Variants in DOCK1 observed in about 807,000 individuals in gnomAD.
DOCK1 encodes dedicator of cytokinesis protein 1.
Under a neutral mutation model 262.7 loss-of-function variants are expected in DOCK1, and 138 were observed. The observed-to-expected ratio is 0.53, with a 90% CI of 0.46 to 0.61. DOCK1 has a LOEUF of 0.61. DOCK1 is among the 20% of genes least tolerant of loss of function. The pLI is 0.00. For synonymous variants in DOCK1, 866 were observed against 867.4 expected, an observed-to-expected ratio of 1.00 and a Z score of 0.03; for missense variants, 1,908 against 2,370.7, an observed-to-expected ratio of 0.80 and a Z score of 4.05.
At chr10:126,920,483 CT>C (rs1488970048) in intron 1 of DOCK1, among the ~76,000 whole-genome samples, 3 of 152,188 alleles carry the variant, frequency 2.0e-5, no homozygotes, top group Non-Finnish European at 2.9e-5. Flanking sequence ...TCTTGATCAT[CT>C]GTAAAATGAG....
chr10:127,284,685 G>A lies in DOCK1; in HGVS notation c.3044+27256G>A, dbSNP rs75231785. 6.9e-3 allele frequency among the ~76,000 whole-genome samples: 1,044 copies of A among 152,272 alleles called. 5 individuals are homozygous for A. The highest frequency in any genetic ancestry group is 0.011 in the Non-Finnish European group (772 of 68,024). On this transcript the variant is annotated intron_variant, in intron 29 of 51. Coordinates refer to ENST00000623213, the MANE Select transcript of DOCK1 (RefSeq NM_001290223.2). The stretch of plus-strand genomic sequence containing the variant: ...GAAGATCACTTGAGGGCAGGATTTC[G>A]AAGTTATGGTGAGGTATTATCATGT...
Position 127,343,754 on chromosome 10 carries a change from C to T in DOCK1, c.3224+8C>T. 1 of 1,590,606 alleles carries T rather than the reference C, an allele frequency of 6.3e-7. No individual in the cohort carries two copies. On this transcript the variant is annotated splice_region_variant and intron_variant, in intron 31 of 51. Coordinates refer to ENST00000623213, the MANE Select transcript of DOCK1 (RefSeq NM_001290223.2). ...AGCCAAAATCCTTAACAAGTAAGTTCTCATCTAGCTCTGAAACTGCAGGCA... is the reference window on the plus strand; with the variant it reads ...AGCCAAAATCCTTAACAAGTAAGTTTTCATCTAGCTCTGAAACTGCAGGCA...
Position 127,012,367 on chromosome 10 carries a change from G to C in DOCK1, c.1194G>C (p.Lys398Asn), listed in dbSNP as rs1348327633. 1.2e-6 allele frequency: 2 copies of C among 1,613,950 alleles called. No homozygotes were observed. The highest frequency in any genetic ancestry group is 1.7e-5 in the Admixed American group (1 of 60,024). The change falls in exon 12 of 52, where the codon AAG becomes AAC. Residue 398 changes from lysine (K) to asparagine (N), a missense_variant. Coordinates refer to ENST00000623213, the MANE Select transcript of DOCK1 (RefSeq NM_001290223.2). This position sits in a 1 kb window ranked among gnomAD's most constrained non-coding sequence, Gnocchi z 4.0. The stretch of plus-strand genomic sequence containing the variant: ...TCGCTGCCAAAGAAGTCAACCACAA[G>C]GGGCAGGGTACGTATTTTCCTATTT... ...KVIAAKEVNH[K>N]GQGLWVTLKL...
Position 127,004,776 on chromosome 10 carries a change from CCCCG to C in DOCK1, c.986-3952_986-3949del, listed in dbSNP as rs1565053566. 4.5e-5 allele frequency among the ~76,000 whole-genome samples: 6 copies of C among 132,588 alleles called. 1 individual carries two copies. The highest frequency in any genetic ancestry group is 1.6e-4 in the African/African-American group (6 of 36,800). 87.0% of individuals were successfully genotyped at this position (132,588 alleles called of 152,430 possible). On this transcript the variant is annotated intron_variant, in intron 10 of 51. Coordinates refer to ENST00000623213, the MANE Select transcript of DOCK1 (RefSeq NM_001290223.2). ...CCAACGGCCCCCTGCCCCGCCACCC[CCCCG>C]CCCCAAAAAAAAGAAAAAAGTCTTG...
At chr10:127,391,327 A>G (rs2066465393) in intron 38 of DOCK1, among the ~76,000 whole-genome samples, 1 of 152,154 alleles carries the variant, frequency 6.6e-6, no homozygotes, top group Non-Finnish European at 1.5e-5. Flanking sequence ...GAGTTCTCAC[A>G]TGGCCCTTAA....
chr10:127,346,022 C>T (rs996595348), intron 31 of DOCK1, among the ~76,000 whole-genome samples: 1 of 152,208 alleles, frequency 6.6e-6, no homozygotes. Flanking sequence ...CTTGTTGTCC[C>T]GTCCAGCAAA....
chr10:127,053,407 G>T (rs867875550), intron 22 of DOCK1, among the ~76,000 whole-genome samples: 1 of 152,172 alleles, frequency 6.6e-6, no homozygotes, highest in African/African-American at 2.4e-5. Flanking sequence ...CCTCACTTGG[G>T]CAGACTCTGG....
At chr10:127,395,159 C>T (rs2066747058) in intron 38 of DOCK1, among the ~76,000 whole-genome samples, 1 of 152,160 alleles carries the variant, frequency 6.6e-6, no homozygotes, top group African/African-American at 2.4e-5. Context: ...GGACTGTCTT[C>T]GTCCCTTCAT....
intron 29 of DOCK1, among the ~76,000 whole-genome samples, chr10:127,331,003 G>A (rs1008756750): frequency 5.9e-5 from 9 of 152,178 alleles, no homozygotes; most frequent in Non-Finnish European, 1.3e-4. Flanking sequence ...GCAGTTGGTA[G>A]CCTCTCAGCA....
intron 1 of DOCK1, among the ~76,000 whole-genome samples, chr10:126,944,337 A>C (rs2035235727): frequency 6.6e-6 from 1 of 151,992 alleles, no homozygotes. Flanking sequence ...CCCGTGGTAG[A>C]CAGTAGGAAA....
chr10:127,178,680 T>C (rs2055421910), intron 27 of DOCK1, among the ~76,000 whole-genome samples: 1 of 152,178 alleles, frequency 6.6e-6, no homozygotes, highest in African/African-American at 2.4e-5. Context: ...TGGAGATTGC[T>C]GCAATTTGAA....
intron 1 of DOCK1, among the ~76,000 whole-genome samples, chr10:126,947,804 TTGG>T (rs1370046275): frequency 8.3e-4 from 67 of 80,638 alleles, no homozygotes; most frequent in African/African-American, 2.0e-3. Flanking sequence ...AGTATTACTG[TTGG>T]TGGTGGTGGT....
chr10:127,365,652 T>C (rs150351518), intron 33 of DOCK1, among the ~76,000 whole-genome samples: 47 of 152,308 alleles, frequency 3.1e-4, no homozygotes, highest in African/African-American at 1.0e-3. Flanking sequence ...AGTCTTTGGG[T>C]CAAAATAAGG....
chr10:127,181,380 T>C (rs1483060642), intron 27 of DOCK1, among the ~76,000 whole-genome samples: 1 of 152,230 alleles, frequency 6.6e-6, no homozygotes, highest in East Asian at 1.9e-4. Flanking sequence ...TCCATTGGAT[T>C]CTGTCCATTC....
chr10:126,958,828 C>T (rs1177942760), intron 1 of DOCK1, among the ~76,000 whole-genome samples: 1 of 152,092 alleles, frequency 6.6e-6, no homozygotes, highest in African/African-American at 2.4e-5. Flanking sequence ...CAAAAAGAGT[C>T]GAACTCTGTG....
rs906121979 is a variant in DOCK1 at position 127,358,521 on chromosome 10, A to G, written c.3284-3543A>G. The stretch of plus-strand genomic sequence containing the variant: ...CCTTGCCTGTGCCGCCTCAATTTAC[A>G]TTTTGTTTATTACATCCAGCACACT... On this transcript the variant is annotated intron_variant, in intron 32 of 51. Transcript: ENST00000623213. Among the ~76,000 whole-genome samples the G allele has an allele frequency of 3.9e-5, 6 of 152,262 alleles. No homozygotes were observed. In the East Asian group the frequency reaches 9.7e-4, roughly 25 times the overall value.
intron 24 of DOCK1, among the ~76,000 whole-genome samples, chr10:127,107,511 A>G (rs1230409327): frequency 6.6e-6 from 1 of 152,162 alleles, no homozygotes; most frequent in Non-Finnish European, 1.5e-5. Context: ...CAGGTCCTAC[A>G]TGAGAAAAGG....
In DOCK1 at chr10:127,410,866, G is replaced by A. The variant is rs1050075199; in HGVS notation, c.4370G>A (p.Arg1457Gln). 8 of 1,613,882 alleles carry A rather than the reference G, an allele frequency of 5.0e-6. No individual in the cohort carries two copies. The highest frequency in any genetic ancestry group is 1.3e-5 in the African/African-American group (1 of 75,034). Residue 1457 changes from arginine (R) to glutamine (Q), a missense_variant, in exon 43 of 52, where the codon CGA becomes CAA. Coordinates refer to ENST00000623213, the MANE Select transcript of DOCK1 (RefSeq NM_001290223.2). ...TTTTACAGGGTGAACGAGGTCCAGC[G>A]ATTTGAATATTCTCGGCCAATCCGG... ...VSFYRVNEVQ[R>Q]FEYSRPIRKG...
chr10:127,244,878 G>A (rs1459765024), intron 27 of DOCK1, among the ~76,000 whole-genome samples: 2 of 152,158 alleles, frequency 1.3e-5, no homozygotes, highest in Admixed American at 6.5e-5. Context: ...CCATTGTCTA[G>A]AAGATAAAAG....
Sources: gnomAD v4.1 joint callset for allele counts (sites outside exome capture counted in the v4.1 genomes callset) on GRCh38, gnomAD v4.1.1 for gene constraint, Gnocchi (gnomAD v3.1) non-coding constraint, MANE v1.5 for transcripts, NCBI Gene and HGNC (gene_info 2026-07-23, HGNC 2026-07-21) for gene names.